Variants in BICD2 observed in about 807,000 individuals in gnomAD.
BICD2 encodes protein bicaudal D homolog 2.
Under a neutral mutation model 72.9 loss-of-function variants are expected in BICD2, and 25 were observed. That is an observed-to-expected ratio of 0.34 (90% CI 0.25 to 0.48). The LOEUF (loss-of-function observed/expected upper bound fraction) is 0.48. BICD2 is among the 20% of genes least tolerant of loss of function. The pLI, the probability that BICD2 is intolerant of heterozygous loss-of-function variation, is 0.99. For missense variants in BICD2, 894 were observed against 1,175.2 expected (o/e 0.76, Z 3.50); for synonymous variants, 501 against 516.1 (o/e 0.97, Z 0.40).
Position 92,764,660 on chromosome 9 carries a change from G to T in BICD2, c.85C>A (p.Leu29Met). ...GTGGTCTCGGCCAGCTCGTGGGACA[G>T]CCGCTTCACCTCGGCGCGCAGCCAC... is the stretch of plus-strand genomic sequence containing the variant. The part of the protein sequence containing the change: ...PEWLRAEVKR[L>M]SHELAETTRE... Residue 29 changes from leucine to methionine, a missense_variant, in exon 1 of 7, where the codon CTG becomes ATG. By Grantham distance (15) the Leu-to-Met change is conservative (BLOSUM62 2). Around this residue, in one of 5 missense-constraint regions of BICD2, gnomAD observed 192 missense variants for 243.6 expected, o/e 0.79. Coordinates refer to ENST00000356884, the MANE Select transcript of BICD2 (RefSeq NM_001003800.2). This position sits in a 1 kb window ranked among gnomAD's most constrained non-coding sequence, Gnocchi z 5.5. The T allele has an allele frequency of 6.3e-7, 1 of 1,591,530 alleles. No individual in the cohort carries two copies.
intron 1 of BICD2, among the ~76,000 whole-genome samples, chr9:92,738,646 G>A (rs989550485): frequency 2.2e-4 from 33 of 152,226 alleles, no homozygotes; most frequent in Admixed American, 2.2e-3. Flanking sequence ...CTGCACAGGA[G>A]ACTGAGAACC....
intron 1 of BICD2, among the ~76,000 whole-genome samples, chr9:92,743,517 G>GT (rs1853941752): frequency 1.3e-5 from 2 of 152,108 alleles, no homozygotes; most frequent in African/African-American, 2.4e-5. Flanking sequence ...ATTTAAAAAA[G>GT]TATTAGTAAC....
intron 1 of BICD2, among the ~76,000 whole-genome samples, chr9:92,737,026 G>C (rs1186156371): frequency 1.3e-5 from 2 of 152,098 alleles, no homozygotes; most frequent in Admixed American, 6.5e-5. Context: ...GAGAAGGCAG[G>C]CCAGGTCCCA....
At position 92,713,697 on chromosome 9, in the gene BICD2, G is replaced by C; in HGVS notation, c.*1457C>G. 7.2e-7 allele frequency: 1 copy of C among 1,394,618 alleles called. No homozygotes were observed. The highest frequency in any genetic ancestry group is 9.3e-7 in the Non-Finnish European group (1 of 1,071,016). 86.4% of individuals were successfully genotyped at this position (1,394,618 alleles called of 1,614,324 possible). Reference sequence around the variant, plus strand: ...AGAGGGCAAAGCGCATGCAGGGTGGGCATGCCAGCAGCCATCCCACTGCGA... The same window carrying C: ...AGAGGGCAAAGCGCATGCAGGGTGGCCATGCCAGCAGCCATCCCACTGCGA... On this transcript the variant is annotated 3_prime_UTR_variant, in exon 7 of 7. Coordinates refer to ENST00000356884, the MANE Select transcript of BICD2 (RefSeq NM_001003800.2).
intron 1 of BICD2, among the ~76,000 whole-genome samples, chr9:92,757,313 A>C (rs1249069005): frequency 1.5e-5 from 1 of 66,870 alleles, no homozygotes; most frequent in Admixed American, 1.8e-4. Context: ...GACTGTCTCC[A>C]AAAAAAAAAA....
At chr9:92,729,658 C>A (rs1223627064) in intron 1 of BICD2, among the ~76,000 whole-genome samples, 1 of 152,234 alleles carries the variant, frequency 6.6e-6, no homozygotes, top group East Asian at 1.9e-4. Context: ...TCTGTCCATC[C>A]TGCTGCCTGA....
chr9:92,736,667 C>A (rs921591886), intron 1 of BICD2, among the ~76,000 whole-genome samples: 2 of 152,188 alleles, frequency 1.3e-5, no homozygotes, highest in Non-Finnish European at 1.5e-5. Flanking sequence ...GCCTTGAATT[C>A]TTTCTTGCGT....
intron 2 of BICD2, 103 bp downstream of exon 2, chr9:92,728,921 T>A (rs888951352): frequency 1.6e-6 from 2 of 1,279,272 alleles, no homozygotes; most frequent in Non-Finnish European, 2.2e-6. Flanking sequence ...AGCTGCAGCG[T>A]CCCCAGAGGC....
At chr9:92,730,358 T>C (rs1047981293) in intron 1 of BICD2, among the ~76,000 whole-genome samples, 6 of 152,208 alleles carry the variant, frequency 3.9e-5, no homozygotes, top group South Asian at 4.1e-4. Context: ...TAATATTAAA[T>C]CTAAGAATTC....
rs761526161 is a variant in BICD2, at chr9:92,720,376, G to T, written c.986C>A (p.Ser329Tyr). 1.7e-5 allele frequency: 27 copies of T among 1,614,134 alleles called. No homozygotes were observed. Among genetic ancestry groups the T allele is most frequent in the Non-Finnish European group, 2.2e-5 (26 of 1,180,040 alleles). The change falls in exon 4 of 7, where the codon TCC becomes TAC. Residue 329 changes from serine to tyrosine, a missense_variant. This residue lies in a region of BICD2 where 371 missense variants were observed against 439.1 expected (regional missense o/e 0.84). Transcript: ENST00000356884. This position sits in a 1 kb window ranked among gnomAD's most constrained non-coding sequence, Gnocchi z 5.4. Reference protein sequence around the residue: ...TPKKEGLAPPSPSLVSDLLSE... With the variant: ...TPKKEGLAPPYPSLVSDLLSE... ...GAGTAGGTCGGAGACGAGGCTGGGG[G>T]AGGGCGGTGCGAGGCCCTCCTTCTT...
intron 1 of BICD2, among the ~76,000 whole-genome samples, chr9:92,744,120 C>G (rs564577227): frequency 6.6e-6 from 1 of 152,208 alleles, no homozygotes; most frequent in Non-Finnish European, 1.5e-5. Flanking sequence ...AGCGTTCTAA[C>G]AGCTCCAAGC....
At chr9:92,732,136 GA>G (rs1853690944) in intron 1 of BICD2, among the ~76,000 whole-genome samples, 1 of 152,204 alleles carries the variant, frequency 6.6e-6, no homozygotes, top group Non-Finnish European at 1.5e-5. Flanking sequence ...GAGGAAGACA[GA>G]AAAAGATCCA....
intron 1 of BICD2, among the ~76,000 whole-genome samples, chr9:92,757,459 C>T (rs1292856440): frequency 1.3e-5 from 2 of 151,584 alleles, no homozygotes; most frequent in African/African-American, 2.4e-5. Flanking sequence ...GACTGGACAA[C>T]AGATGACACT....
At chr9:92,743,824 A>AGAACATTG (rs1323157373) in intron 1 of BICD2, among the ~76,000 whole-genome samples, 1 of 152,220 alleles carries the variant, frequency 6.6e-6, no homozygotes, top group African/African-American at 2.4e-5. Flanking sequence ...ACACCCAAGA[A>AGAACATTG]GAACATTGGA....
chr9:92,726,363 G>A (rs1279401579), intron 2 of BICD2, among the ~76,000 whole-genome samples: 1 of 152,154 alleles, frequency 6.6e-6, no homozygotes, highest in African/African-American at 2.4e-5. Context: ...AAAGGGGAGG[G>A]GCTGTTGTGG....
At chr9:92,728,337 C>T (rs891955946) in intron 2 of BICD2, among the ~76,000 whole-genome samples, 8 of 152,242 alleles carry the variant, frequency 5.3e-5, no homozygotes, top group Admixed American at 1.3e-4. Context: ...AAGTCATGCA[C>T]GGACTTGGAC....
chr9:92,715,203 A>C lies in BICD2; in HGVS notation c.2519T>G (p.Leu840Arg). 4 of 1,610,660 alleles carry C rather than the reference A, an allele frequency of 2.5e-6. No homozygotes were observed. The South Asian group carries it at 3.3e-5, about 13-fold the overall frequency. Reference sequence around the variant, plus strand: ...CTCGCTGCAGAACACCTGGTTGGCCAGCCCGGTGCCCTCGGCCCTGTCGCT... The same window carrying C: ...CTCGCTGCAGAACACCTGGTTGGCCCGCCCGGTGCCCTCGGCCCTGTCGCT... ...CASDRAEGTGLANQVFCSEKH... is the reference protein window; with the variant it reads ...CASDRAEGTGRANQVFCSEKH... The change falls in exon 7 of 7, where the codon CTG (leucine) becomes CGG (arginine). Residue 840 changes from leucine (L) to arginine (R), a missense_variant. By Grantham distance (102) the Leu-to-Arg change is moderately radical (BLOSUM62 -2). This residue lies in a region of BICD2 where 321 missense variants were observed against 443.9 expected (regional missense o/e 0.72). Transcript: ENST00000356884.
intron 1 of BICD2, among the ~76,000 whole-genome samples, chr9:92,734,284 A>C (rs1853733031): frequency 6.6e-6 from 1 of 152,098 alleles, no homozygotes; most frequent in African/African-American, 2.4e-5. Flanking sequence ...GGCCAAGGCA[A>C]GCAGATCACT....
intron 2 of BICD2, among the ~76,000 whole-genome samples, chr9:92,725,955 G>A (rs1170055728): frequency 6.6e-6 from 1 of 152,232 alleles, no homozygotes; most frequent in African/African-American, 2.4e-5. Context: ...TCTGGGAAAT[G>A]GAGCCACATC....
Sources: gnomAD v4.1 joint callset for allele counts (sites outside exome capture counted in the v4.1 genomes callset) on GRCh38, gnomAD v4.1.1 for gene constraint, gnomAD v4.1.1 regional missense constraint, Gnocchi (gnomAD v3.1) non-coding constraint, MANE v1.5 for transcripts, NCBI Gene and HGNC (gene_info 2026-07-23, HGNC 2026-07-21) for gene names.